ANK3: variants seen among roughly 807,000 people sequenced by gnomAD.
ANK3 encodes the protein ankyrin-3.
A neutral mutation model predicts 370.9 loss-of-function variants in ANK3; 57 were observed. The ratio of observed to expected loss-of-function variants is 0.15; its 90% confidence interval spans 0.12 to 0.19. The LOEUF (loss-of-function observed/expected upper bound fraction) is 0.19, where lower values mean the gene tolerates loss of function less well. Ranked by LOEUF, ANK3 falls within the 10% of genes least tolerant of loss-of-function variation. ANK3 has a pLI of 1.00. For synonymous variants in ANK3, 1,929 were observed against 1,946.3 expected (o/e 0.99, Z 0.23); for missense variants, 4,439 against 5,302.1 (o/e 0.84, Z 5.06).
chr10:60,318,150 T>G (rs539552385), intron 1 of ANK3, among the ~76,000 whole-genome samples: 2 of 152,308 alleles, frequency 1.3e-5, no homozygotes, highest in African/African-American at 4.8e-5. Context: ...GCAGGTTTGT[T>G]ATATAGGTAA....
chr10:60,553,232 A>C (rs1397389237), intron 2 of ANK3, among the ~76,000 whole-genome samples: 1 of 150,898 alleles, frequency 6.6e-6, no homozygotes, highest in Non-Finnish European at 1.5e-5. Context: ...GAAAGGCTAG[A>C]ATCCTTGGTC....
chr10:60,206,040 A>G (rs2132434975), intron 10 of ANK3, 150 bp from the exon 11 acceptor site: 3 of 619,938 alleles, frequency 4.8e-6, no homozygotes, highest in South Asian at 2.1e-5. Context: ...ATTCTATTCT[A>G]GAAGTAGTCC....
At chr10:60,390,542 A>G (rs1038797871), upstream of ANK3, among the ~76,000 whole-genome samples, 2 of 152,136 alleles carry the variant, frequency 1.3e-5, no homozygotes, top group Non-Finnish European at 2.9e-5. Context: ...CATTATGTGA[A>G]GTGAAGCAGC....
chr10:60,603,413 G>A (rs538603262), intron 2 of ANK3, among the ~76,000 whole-genome samples: 2 of 152,224 alleles, frequency 1.3e-5, no homozygotes, highest in South Asian at 4.1e-4. Flanking sequence ...AAAGGCAAAA[G>A]AGTAAAAAGG....
intron 7 of ANK3, among the ~76,000 whole-genome samples, chr10:60,244,606 A>G (rs1315675641): frequency 2.6e-5 from 4 of 152,226 alleles, no homozygotes; most frequent in Admixed American, 6.5e-5. Context: ...AAACACATAC[A>G]TTTTAAGATT....
intron 1 of ANK3, among the ~76,000 whole-genome samples, chr10:60,319,638 C>T (rs76910644): frequency 0.04 from 6,094 of 152,316 alleles, 407 homozygotes; most frequent in African/African-American, 0.14. Context: ...CCAGGCACTA[C>T]ACTCCATGTT....
At chr10:60,170,485 A>G (rs2095754581) in intron 21 of ANK3, among the ~76,000 whole-genome samples, 1 of 152,218 alleles carries the variant, frequency 6.6e-6, no homozygotes, top group Non-Finnish European at 1.5e-5. Flanking sequence ...TCAGCTTGAG[A>G]TAATGTACCA....
chr10:60,694,749 G>A (rs1369277265), intron 1 of ANK3, among the ~76,000 whole-genome samples: 15 of 151,856 alleles, frequency 9.9e-5, no homozygotes, highest in East Asian at 1.9e-4. Flanking sequence ...CGAAGGAAGC[G>A]CTAAACATGG....
At chr10:60,226,580 ATACTATG>A (rs2097165625) in intron 8 of ANK3, among the ~76,000 whole-genome samples, 1 of 61,112 alleles carries the variant, frequency 1.6e-5, no homozygotes, top group Non-Finnish European at 2.9e-5. Context: ...ATATGTATAT[ATACTATG>A]TATATATACT....
intron 2 of ANK3, among the ~76,000 whole-genome samples, chr10:60,439,645 A>G (rs1184073838): frequency 2.0e-5 from 3 of 152,232 alleles, no homozygotes; most frequent in Non-Finnish European, 4.4e-5. Context: ...ATGCCATCCA[A>G]CTGAGGATAC....
intron 1 of ANK3, among the ~76,000 whole-genome samples, chr10:60,337,038 C>A (rs80078769): frequency 2.2e-4 from 31 of 143,920 alleles, no homozygotes; most frequent in African/African-American, 5.9e-4. Flanking sequence ...AAAAAAAAAA[C>A]AAACAGTGGA....
Position 60,073,761 on chromosome 10 carries a change from C to G in ANK3, c.7120G>C (p.Asp2374His), listed in dbSNP as rs1475515532. 1 of 1,613,686 alleles carries G rather than the reference C, an allele frequency of 6.2e-7. No individual in the cohort carries two copies. Among genetic ancestry groups the G allele is most frequent in the African/African-American group, 1.3e-5 (1 of 74,886 alleles). The change falls in exon 37 of 44, where the codon GAT becomes CAT. Residue 2374 changes from aspartate (D) to histidine (H), a missense_variant. Asp to His is a moderately conservative substitution (Grantham distance 81). Transcript: ENST00000280772. ...DLSRGDINLK[D>H]FLPEKHDAFP... The stretch of plus-strand genomic sequence containing the variant: ...GCATCGTGTTTTTCTGGCAGAAAAT[C>G]TTTTAGGTTAATATCTCCCCGGGAT...
chr10:60,471,919 G>C (rs1165943827), intron 2 of ANK3, among the ~76,000 whole-genome samples: 1 of 151,392 alleles, frequency 6.6e-6, no homozygotes, highest in African/African-American at 2.4e-5. Context: ...CTAGAGAGAA[G>C]AGTTACAAAA....
intron 1 of ANK3, among the ~76,000 whole-genome samples, chr10:60,632,258 T>C (rs779016078): frequency 6.6e-5 from 10 of 152,214 alleles, no homozygotes; most frequent in Non-Finnish European, 1.3e-4. Flanking sequence ...GCTTTCATCA[T>C]CAGCAAGGCA....
In ANK3 at chr10:60,069,263, T is replaced by G; in HGVS notation, c.11618A>C (p.Lys3873Thr). ...SKLPIKATSP[K>T]DTFPPNHMSN... Reference sequence around the variant, plus strand: ...CATATGGTTCGGTGGGAAGGTATCTTTTGGTGAAGTGGCCTTTATGGGAAG... The same window carrying G: ...CATATGGTTCGGTGGGAAGGTATCTGTTGGTGAAGTGGCCTTTATGGGAAG... Residue 3873 changes from lysine to threonine, a missense_variant, in exon 37 of 44, where the codon AAA (lysine) becomes ACA (threonine). This residue lies in a region of ANK3 where 496 missense variants were observed against 529.3 expected (regional missense o/e 0.94). Transcript: ENST00000280772. 1 of 1,614,172 alleles carries G rather than the reference T, an allele frequency of 6.2e-7. No homozygotes were observed. Among genetic ancestry groups the G allele is most frequent in the Non-Finnish European group, 8.5e-7 (1 of 1,180,004 alleles).
intron 10 of ANK3, 85 bp downstream of exon 10, chr10:60,207,951 C>T (rs1260332949): frequency 3.4e-6 from 4 of 1,181,846 alleles, no homozygotes; most frequent in African/African-American, 1.5e-5. Context: ...CTATTTTAAC[C>T]TCCTCAAAGC....
At position 60,072,736 on chromosome 10, in the gene ANK3, G is replaced by A; in HGVS notation, c.8145C>T (p.Leu2715=). The A allele has an allele frequency of 6.2e-7, 1 of 1,614,084 alleles. No individual in the cohort carries two copies. The highest frequency in any genetic ancestry group is 1.3e-5 in the African/African-American group (1 of 75,034). Residue 2715 remains leucine (L), a synonymous_variant, in exon 37 of 44, where the codon CTC becomes CTT. Coordinates refer to ENST00000280772, the MANE Select transcript of ANK3 (RefSeq NM_020987.5). ...GTTCAAATTTTAATCTAATGGAACT[G>A]AGTTTAGATTGTTTGAGCTGGAATC... ...QSGFQLKQSK[L]SSIRLKFEQG...
chr10:60,671,926 T>C (rs1221548373), intron 1 of ANK3, among the ~76,000 whole-genome samples: 1 of 152,220 alleles, frequency 6.6e-6, no homozygotes, highest in Admixed American at 6.5e-5. Flanking sequence ...GGGTCATGTA[T>C]GCAGATAACT....
intron 1 of ANK3, among the ~76,000 whole-genome samples, chr10:60,701,830 C>T (rs896495194): frequency 6.6e-5 from 10 of 151,922 alleles, no homozygotes; most frequent in Non-Finnish European, 2.9e-5. Context: ...CAAAAGTAGC[C>T]TATTACGTTT....
Sources: allele counts gnomAD v4.1 joint callset (sites outside exome capture counted in the v4.1 genomes callset), GRCh38; gene constraint gnomAD v4.1.1; regional missense constraint gnomAD v4.1.1; transcripts MANE v1.5; gene names NCBI Gene and HGNC (gene_info 2026-07-23, HGNC 2026-07-21).